The following MED27 variants were observed in gnomAD, a reference collection of about 807,000 sequenced individuals.
The protein encoded by MED27 is mediator complex subunit 27, also known as mediator of RNA polymerase II transcription subunit 27.
In MED27, 30 loss-of-function variants were observed where a neutral mutation model predicts 38.2. That is an observed-to-expected ratio of 0.79 (90% CI 0.59 to 1.07). MED27 has a LOEUF of 1.07. MED27 is among the 50% of genes least tolerant of loss of function. The probability of loss-of-function intolerance (pLI) is 0.00; values close to 1 mark genes in which losing one functional copy is unlikely to be tolerated. For missense variants in MED27, 289 were observed against 397.5 expected (o/e 0.73, Z 2.32); for synonymous variants, 122 against 153.5 (o/e 0.79, Z 1.52).
chr9:132,026,463 G>A (rs186932160), intron 2 of MED27, among the ~76,000 whole-genome samples: 1 of 152,304 alleles, frequency 6.6e-6, no homozygotes, highest in East Asian at 1.9e-4. Flanking sequence ...ACAGTGTGGG[G>A]GTTTTTGTGT....
rs559133825 is a variant in MED27 at position 131,929,901 on chromosome 9, G to A, written c.573+9480C>T. Reference sequence around the variant, plus strand: ...CCTAGCACCTTGAATGAACATAGGCGTAGTGGTTACAGCGAGCCTTGGGCA... The same window carrying A: ...CCTAGCACCTTGAATGAACATAGGCATAGTGGTTACAGCGAGCCTTGGGCA... On this transcript the variant is annotated intron_variant, in intron 4 of 7. Transcript: ENST00000292035. Among the ~76,000 whole-genome samples, 10 of 152,322 alleles carry A rather than the reference G, an allele frequency of 6.6e-5. No individual in the cohort carries two copies. In the South Asian group the frequency reaches 8.3e-4, roughly 13 times the overall value.
chr9:131,963,441 CAGA>C (rs913345805), intron 3 of MED27, among the ~76,000 whole-genome samples: 14 of 151,804 alleles, frequency 9.2e-5, no homozygotes, highest in East Asian at 3.9e-4. Context: ...AAGCAGCAAG[CAGA>C]AGAAGATGGG....
At chr9:131,880,195 C>CTT (rs950676842) in intron 6 of MED27, among the ~76,000 whole-genome samples, 1 of 147,994 alleles carries the variant, frequency 6.8e-6, no homozygotes, top group Admixed American at 6.8e-5. Flanking sequence ...CAGAAACAGG[C>CTT]TTTTTTTTTT....
chr9:131,960,411 T>TGCGC (rs1391467359), intron 3 of MED27, among the ~76,000 whole-genome samples: 1 of 152,162 alleles, frequency 6.6e-6, no homozygotes, highest in Non-Finnish European at 1.5e-5. Context: ...GGTGTGTGTG[T>TGCGC]GCGCTCGTGC....
At chr9:132,031,845 T>C (rs1832970769) in intron 2 of MED27, 1 of 152,178 alleles carries the variant, frequency 6.6e-6, no homozygotes, top group Non-Finnish European at 1.5e-5. Flanking sequence ...TGGAAGCCCC[T>C]ACACACTACA....
intron 2 of MED27, among the ~76,000 whole-genome samples, chr9:132,037,857 G>A (rs1443524459): frequency 6.6e-6 from 1 of 152,106 alleles, no homozygotes; most frequent in Non-Finnish European, 1.5e-5. Context: ...ACCCCAGACA[G>A]GAGCTGCACC....
intron 2 of MED27, among the ~76,000 whole-genome samples, chr9:132,024,924 C>T (rs770728155): frequency 5.3e-5 from 8 of 152,104 alleles, no homozygotes; most frequent in Admixed American, 3.3e-4. Flanking sequence ...GCAAAGCATT[C>T]GGTACTAGAA....
intron 6 of MED27, chr9:131,868,697 C>T: frequency 1.0e-6 from 1 of 985,514 alleles, no homozygotes; most frequent in Non-Finnish European, 1.2e-6. Context: ...GGCCTCTGCC[C>T]ACCTCCTACC....
chr9:131,992,679 G>C (rs1315086314), intron 3 of MED27, among the ~76,000 whole-genome samples: 2 of 152,150 alleles, frequency 1.3e-5, no homozygotes. Flanking sequence ...TGGGTTACAG[G>C]TATGAGCCAC....
intron 5 of MED27, among the ~76,000 whole-genome samples, chr9:131,887,687 A>C (rs901623835): frequency 6.6e-6 from 1 of 152,248 alleles, no homozygotes; most frequent in East Asian, 1.9e-4. Flanking sequence ...TATTCAAAAA[A>C]GGAGCATTCT....
chr9:131,968,148 T>C (rs1386458632), intron 3 of MED27, among the ~76,000 whole-genome samples: 1 of 152,094 alleles, frequency 6.6e-6, no homozygotes, highest in Admixed American at 6.5e-5. Context: ...GGAATTAGAA[T>C]GGGTCTTAAG....
At chr9:132,067,784 T>C (rs1251215528) in intron 2 of MED27, among the ~76,000 whole-genome samples, 1 of 151,766 alleles carries the variant, frequency 6.6e-6, no homozygotes, top group Non-Finnish European at 1.5e-5. Flanking sequence ...TGATCTCGGC[T>C]CATTGCAAGC....
intron 2 of MED27, among the ~76,000 whole-genome samples, chr9:132,057,123 C>T (rs1483694477): frequency 6.6e-6 from 1 of 152,162 alleles, no homozygotes; most frequent in Non-Finnish European, 1.5e-5. Flanking sequence ...CTAAATAATG[C>T]CTCCTTTTTG....
chr9:131,912,249 T>A (rs139797579), intron 4 of MED27, among the ~76,000 whole-genome samples: 23 of 152,326 alleles, frequency 1.5e-4, no homozygotes, highest in African/African-American at 5.5e-4. Flanking sequence ...TCAGTGTGTA[T>A]GAATTAAAGG....
At chr9:132,015,181 C>T (rs1832575668) in intron 2 of MED27, among the ~76,000 whole-genome samples, 1 of 152,176 alleles carries the variant, frequency 6.6e-6, no homozygotes, top group Non-Finnish European at 1.5e-5. Context: ...ATCATAAGAA[C>T]AAGCTTATGA....
At chr9:132,074,077 T>C (rs959946270) in intron 2 of MED27, among the ~76,000 whole-genome samples, 5 of 152,234 alleles carry the variant, frequency 3.3e-5, no homozygotes, top group African/African-American at 7.2e-5. Context: ...GACTATTTTA[T>C]AGCAAGGACA....
intron 3 of MED27, among the ~76,000 whole-genome samples, chr9:131,977,374 C>A (rs564665776): frequency 1.1e-4 from 16 of 152,278 alleles, no homozygotes; most frequent in African/African-American, 3.6e-4. Context: ...ACTACTGCAG[C>A]CTTAGACAAT....
At chr9:131,991,315 G>C (rs1589253377) in intron 3 of MED27, among the ~76,000 whole-genome samples, 2 of 152,178 alleles carry the variant, frequency 1.3e-5, no homozygotes, top group East Asian at 3.8e-4. Flanking sequence ...CTCTAACCAA[G>C]CCAGGAATTC....
intron 3 of MED27, among the ~76,000 whole-genome samples, chr9:131,950,165 C>T (rs183662404): frequency 1.9e-4 from 29 of 152,170 alleles, no homozygotes; most frequent in African/African-American, 6.3e-4. Context: ...AAAAAAAACC[C>T]CTAATAATAA....
Sources: allele counts gnomAD v4.1 joint callset (sites outside exome capture counted in the v4.1 genomes callset), GRCh38; gene constraint gnomAD v4.1.1; transcripts MANE v1.5; gene names NCBI Gene and HGNC (gene_info 2026-07-23, HGNC 2026-07-21).